Variants in PTPRM observed in about 807,000 individuals in gnomAD.
PTPRM encodes the protein receptor-type tyrosine-protein phosphatase mu.
A neutral mutation model predicts 186.7 loss-of-function variants in PTPRM; 47 were observed. The observed-to-expected ratio is 0.25, with a 90% CI of 0.20 to 0.32. The LOEUF (loss-of-function observed/expected upper bound fraction) is 0.32, where lower values mean the gene tolerates loss of function less well. Ranked by LOEUF, PTPRM falls within the 10% of genes least tolerant of loss-of-function variation. PTPRM has a pLI of 1.00. For missense variants in PTPRM, 1,494 were observed against 1,865.0 expected (o/e 0.80, Z 3.66); for synonymous variants, 668 against 674.9 (o/e 0.99, Z 0.16).
chr18:7,840,854 T>G (rs727950), intron 2 of PTPRM, among the ~76,000 whole-genome samples: 3,080 of 152,330 alleles, frequency 0.02, 99 homozygotes, highest in African/African-American at 0.07. Flanking sequence ...TTGGTCAATG[T>G]GTTTGTTATA....
chr18:8,006,248 T>C (rs2147816904), intron 7 of PTPRM, among the ~76,000 whole-genome samples: 1 of 152,334 alleles, frequency 6.6e-6, no homozygotes, highest in Admixed American at 6.5e-5. Context: ...CATTTATAAA[T>C]ACTTTGAAGA....
chr18:8,113,099 C>T (rs761144199), intron 11 of PTPRM, among the ~76,000 whole-genome samples: 27 of 152,126 alleles, frequency 1.8e-4, no homozygotes, highest in Non-Finnish European at 3.2e-4. Flanking sequence ...AATAAACTTA[C>T]AGTTGGTATA....
chr18:7,658,716 G>C (rs2038912490), intron 1 of PTPRM, among the ~76,000 whole-genome samples: 1 of 152,202 alleles, frequency 6.6e-6, no homozygotes, highest in African/African-American at 2.4e-5. Flanking sequence ...CTGAGGACAT[G>C]AGAACATGCT....
At chr18:7,783,399 G>A (rs571281683) in intron 2 of PTPRM, among the ~76,000 whole-genome samples, 7 of 152,250 alleles carry the variant, frequency 4.6e-5, no homozygotes, top group South Asian at 2.1e-4. Flanking sequence ...GAGTTTTGAG[G>A]TGACACTCAT....
chr18:7,859,699 G>A (rs761896041), intron 2 of PTPRM, among the ~76,000 whole-genome samples: 13 of 152,160 alleles, frequency 8.5e-5, no homozygotes, highest in Admixed American at 1.3e-4. Flanking sequence ...TTGAGGAGTC[G>A]GTACCCTGTG....
chr18:8,042,474 T>G (rs947672510), intron 7 of PTPRM, among the ~76,000 whole-genome samples: 1 of 152,194 alleles, frequency 6.6e-6, no homozygotes, highest in Non-Finnish European at 1.5e-5. Context: ...TGAAGAATCT[T>G]AAAAGAAAAA....
In PTPRM at chr18:7,584,092, T is replaced by A. The variant is rs191860485; in HGVS notation, c.73+16201T>A. Reference sequence around the variant, plus strand: ...TATATAGTACTCTACAGTGGTTATGTACTTTGCTTATTTAAATAACATTCT... The same window carrying A: ...TATATAGTACTCTACAGTGGTTATGAACTTTGCTTATTTAAATAACATTCT... On this transcript the variant is annotated intron_variant, in intron 1 of 32. Coordinates refer to ENST00000580170, the MANE Select transcript of PTPRM (RefSeq NM_001105244.2). Among the ~76,000 whole-genome samples, 566 of 152,344 alleles carry A rather than the reference T, an allele frequency of 3.7e-3. 4 individuals carry two copies. Among genetic ancestry groups the A allele is most frequent in the African/African-American group, 0.013 (530 of 41,584 alleles).
At position 7,861,262 on chromosome 18, in the gene PTPRM, C is replaced by A. The variant is rs148107081; in HGVS notation, c.197-26844C>A. ...TTTTTTTAACTGGAGGTTTGCAGCTCTGTAAATCCCCTAAAAAAATTATGG... is the reference window on the plus strand; with the variant it reads ...TTTTTTTAACTGGAGGTTTGCAGCTATGTAAATCCCCTAAAAAAATTATGG... On this transcript the variant is annotated intron_variant, in intron 2 of 32. Transcript: ENST00000580170. Among the ~76,000 whole-genome samples the A allele has an allele frequency of 2.2e-4, 33 of 152,150 alleles. No individual in the cohort carries two copies. In the East Asian group the frequency reaches 2.3e-3, roughly 11 times the overall value.
chr18:8,208,347 G>T (rs73941048), intron 14 of PTPRM, among the ~76,000 whole-genome samples: 9,233 of 152,232 alleles, frequency 0.061, 328 homozygotes, highest in Middle Eastern at 0.075. Context: ...CTAAGCTTTG[G>T]AGAACAAAAT....
chr18:8,054,134 A>G (rs2087717405), intron 7 of PTPRM, among the ~76,000 whole-genome samples: 1 of 151,752 alleles, frequency 6.6e-6, no homozygotes, highest in South Asian at 2.1e-4. Context: ...TGGAACCTCC[A>G]GGAAAATGTT....
At chr18:7,683,798 A>G (rs2039533968) in intron 1 of PTPRM, among the ~76,000 whole-genome samples, 1 of 152,192 alleles carries the variant, frequency 6.6e-6, no homozygotes, top group Non-Finnish European at 1.5e-5. Context: ...TCAGGGTATC[A>G]GGAAGCCCAG....
In PTPRM at chr18:8,172,313, C is replaced by A. The variant is rs186049381; in HGVS notation, c.2300+28534C>A. ...ACTTTACAGACTTACCTATTCCCTG[C>A]AACTCATTCAGGGTATAGATGATCT... is the stretch of plus-strand genomic sequence containing the variant. On this transcript the variant is annotated intron_variant, in intron 14 of 32. Transcript: ENST00000580170. 7.4e-3 allele frequency among the ~76,000 whole-genome samples: 1,099 copies of A among 149,108 alleles called. 9 individuals are homozygous for A. Among genetic ancestry groups the A allele is most frequent in the Middle Eastern group, 0.054 (15 of 276 alleles).
Position 8,248,195 on chromosome 18 carries a change from A to G in PTPRM, c.2554+19A>G. The stretch of plus-strand genomic sequence containing the variant: ...ATTTTAGGTGAGAACATTTCCCTTT[A>G]CCACAGTTTATTGCAGGAGTAATTT... On this transcript the variant is annotated intron_variant, in intron 17 of 32. Transcript: ENST00000580170. 2 of 1,524,310 alleles carry G rather than the reference A, an allele frequency of 1.3e-6. No individual in the cohort carries two copies. The highest frequency in any genetic ancestry group is 1.8e-6 in the Non-Finnish European group (2 of 1,098,414). 94.4% of individuals were successfully genotyped at this position (1,524,310 alleles called of 1,614,324 possible).
At chr18:8,138,075 C>A (rs1253435686) in intron 13 of PTPRM, among the ~76,000 whole-genome samples, 1 of 152,172 alleles carries the variant, frequency 6.6e-6, no homozygotes, top group Non-Finnish European at 1.5e-5. Context: ...ACAGTGCTGG[C>A]CCACGTTCAC....
chr18:8,035,722 G>A (rs2086282092), intron 7 of PTPRM, among the ~76,000 whole-genome samples: 1 of 152,090 alleles, frequency 6.6e-6, no homozygotes, highest in South Asian at 2.1e-4. Flanking sequence ...ACAAACTGGA[G>A]GGGTACAAGG....
intron 3 of PTPRM, among the ~76,000 whole-genome samples, chr18:7,900,367 G>A (rs943462510): frequency 4.6e-5 from 7 of 152,082 alleles, no homozygotes; most frequent in African/African-American, 1.7e-4. Context: ...ACCATCTTTA[G>A]CTTGTGAGCG....
intron 3 of PTPRM, among the ~76,000 whole-genome samples, chr18:7,899,161 A>G (rs2049525646): frequency 2.6e-5 from 4 of 152,212 alleles, no homozygotes; most frequent in Admixed American, 2.6e-4. Flanking sequence ...GTTCATTTTA[A>G]AAAGCAACGT....
At chr18:7,973,869 T>A (rs2054743426) in intron 7 of PTPRM, among the ~76,000 whole-genome samples, 1 of 152,282 alleles carries the variant, frequency 6.6e-6, no homozygotes, top group Non-Finnish European at 1.5e-5. Flanking sequence ...GCTTCTTACT[T>A]TCTAGTCTTG....
At chr18:8,321,355 G>C (rs189291848) in intron 22 of PTPRM, among the ~76,000 whole-genome samples, 150 of 152,218 alleles carry the variant, frequency 9.9e-4, no homozygotes, top group African/African-American at 3.2e-3. Context: ...CTAAAGTAGA[G>C]ACTGAAACTG....
Sources: allele counts gnomAD v4.1 joint callset (sites outside exome capture counted in the v4.1 genomes callset), GRCh38; gene constraint gnomAD v4.1.1; transcripts MANE v1.5; gene names NCBI Gene and HGNC (gene_info 2026-07-23, HGNC 2026-07-21).